The following ANKFN1 variants were observed in gnomAD, a reference collection of about 807,000 sequenced individuals.
ANKFN1 encodes the protein ankyrin repeat and fibronectin type-III domain-containing protein 1.
A neutral mutation model predicts 108.7 loss-of-function variants in ANKFN1; 74 were observed. The ratio of observed to expected loss-of-function variants is 0.68; its 90% CI spans 0.56 to 0.83. The LOEUF is 0.83. Ranked by LOEUF, ANKFN1 falls within the 40% of genes least tolerant of loss-of-function variation. The pLI, the probability that ANKFN1 is intolerant of heterozygous loss-of-function variation, is 0.00. For missense variants in ANKFN1, 1,505 were observed against 1,382.3 expected, an observed-to-expected ratio of 1.09 and a Z score of -1.41; for synonymous variants, 547 against 516.2, an observed-to-expected ratio of 1.06 and a Z score of -0.81.
intron 4 of ANKFN1, among the ~76,000 whole-genome samples, chr17:56,082,454 C>T (rs12936221): frequency 0.49 from 73,726 of 150,662 alleles, 20,116 homozygotes; most frequent in Non-Finnish European, 0.63. Flanking sequence ...AAAAAAACCA[C>T]GAGGCACTGA....
intron 6 of ANKFN1, among the ~76,000 whole-genome samples, chr17:56,364,142 A>G (rs1317309935): frequency 6.6e-6 from 1 of 152,206 alleles, no homozygotes; most frequent in African/African-American, 2.4e-5. Flanking sequence ...AGTTAGCTTG[A>G]TTTAATTATT....
intron 8 of ANKFN1, among the ~76,000 whole-genome samples, chr17:56,377,341 C>T (rs2046972092): frequency 1.3e-5 from 2 of 152,214 alleles, no homozygotes; most frequent in African/African-American, 4.8e-5. Context: ...AAGTTTTCTT[C>T]ACACCGTGGG....
chr17:56,205,273 C>A (rs1914433926), intron 1 of ANKFN1, among the ~76,000 whole-genome samples: 1 of 152,126 alleles, frequency 6.6e-6, no homozygotes. Flanking sequence ...CTCTTCAGAT[C>A]AAAGACATTA....
intron 20 of ANKFN1, among the ~76,000 whole-genome samples, chr17:56,505,866 G>A (rs1367346211): frequency 2.6e-5 from 4 of 152,048 alleles, no homozygotes; most frequent in Non-Finnish European, 5.9e-5. Flanking sequence ...CTCACTATTC[G>A]TATGTTGGGA....
intron 1 of ANKFN1, among the ~76,000 whole-genome samples, chr17:56,155,500 T>C (rs1909016735): frequency 6.6e-6 from 1 of 152,164 alleles, no homozygotes; most frequent in Non-Finnish European, 1.5e-5. Flanking sequence ...GCCAATAACT[T>C]TCCTTTTTTC....
chr17:56,271,855 G>A (rs942304624), intron 3 of ANKFN1, among the ~76,000 whole-genome samples: 10 of 152,224 alleles, frequency 6.6e-5, no homozygotes, highest in South Asian at 2.1e-4. Flanking sequence ...TCAGCAAGCC[G>A]TTTACCCTCC....
At chr17:56,153,474 C>T (rs1908797421), upstream of ANKFN1, 3 of 1,613,714 alleles carry the variant, frequency 1.9e-6, no homozygotes, top group Non-Finnish European at 2.5e-6. Flanking sequence ...CCCCCCAGGT[C>T]CTCTTTCAAC....
chr17:56,161,083 G>A (rs1396616699), intron 1 of ANKFN1, among the ~76,000 whole-genome samples: 1 of 152,176 alleles, frequency 6.6e-6, no homozygotes, highest in Non-Finnish European at 1.5e-5. Context: ...GAACTATAAA[G>A]GTTGCTGGAG....
intron 3 of ANKFN1, among the ~76,000 whole-genome samples, chr17:56,228,895 T>G (rs1916494036): frequency 6.6e-6 from 1 of 152,090 alleles, no homozygotes; most frequent in African/African-American, 2.4e-5. Flanking sequence ...TAATTAGACA[T>G]TCTAGTACCT....
chr17:56,126,777 T>G (rs2143323842), intron 4 of ANKFN1, among the ~76,000 whole-genome samples: 1 of 152,332 alleles, frequency 6.6e-6, no homozygotes, highest in African/African-American at 2.4e-5. Flanking sequence ...AGTAAAATAG[T>G]GCAGAAACAG....
At chr17:56,163,055 GA>G (rs113199663) in intron 1 of ANKFN1, among the ~76,000 whole-genome samples, 3,622 of 145,548 alleles carry the variant, frequency 0.025, 136 homozygotes, top group African/African-American at 0.086. Context: ...AAGAAAAAAA[GA>G]AAAAAAAAAG....
chr17:56,262,642 C>T (rs754657135), intron 3 of ANKFN1, among the ~76,000 whole-genome samples: 5 of 152,252 alleles, frequency 3.3e-5, no homozygotes, highest in East Asian at 1.9e-4. Flanking sequence ...TAAATTCCTA[C>T]GAAGCAGACA....
At chr17:56,407,746 A>T (rs1308877408) in intron 8 of ANKFN1, among the ~76,000 whole-genome samples, 1 of 152,166 alleles carries the variant, frequency 6.6e-6, no homozygotes, top group Non-Finnish European at 1.5e-5. Flanking sequence ...TAACTGTAGG[A>T]CATTTTAGCT....
intron 4 of ANKFN1, among the ~76,000 whole-genome samples, chr17:56,055,905 A>T (rs2143092203): frequency 6.6e-6 from 1 of 151,984 alleles, no homozygotes; most frequent in African/African-American, 2.4e-5. Flanking sequence ...TAGACTTTTT[A>T]ATAATAGCCA....
chr17:56,236,659 C>T (rs959700812), intron 3 of ANKFN1, among the ~76,000 whole-genome samples: 2 of 152,190 alleles, frequency 1.3e-5, no homozygotes, highest in African/African-American at 2.4e-5. Context: ...GACTTCCTCT[C>T]CTCCTATTTG....
intron 18 of ANKFN1, among the ~76,000 whole-genome samples, chr17:56,488,936 G>T (rs2050941428): frequency 6.6e-6 from 1 of 152,194 alleles, no homozygotes. Flanking sequence ...TTTGTATCAG[G>T]TATGTGCCAT....
At chr17:56,158,251 C>T (rs1175542891) in intron 1 of ANKFN1, among the ~76,000 whole-genome samples, 3 of 152,130 alleles carry the variant, frequency 2.0e-5, no homozygotes, top group Non-Finnish European at 2.9e-5. Context: ...TTGCCTAATT[C>T]CTAGAAGTTG....
intron 5 of ANKFN1, among the ~76,000 whole-genome samples, chr17:56,351,901 T>C (rs2046257732): frequency 6.6e-6 from 1 of 152,124 alleles, no homozygotes; most frequent in African/African-American, 2.4e-5. Context: ...CCTTTCCAGA[T>C]AGAAGCATGC....
At chr17:56,241,013 A>G (rs1373574140) in intron 3 of ANKFN1, among the ~76,000 whole-genome samples, 3 of 152,064 alleles carry the variant, frequency 2.0e-5, no homozygotes, top group African/African-American at 7.2e-5. Flanking sequence ...AGACATTGAC[A>G]TTCTAACATA....
Sources: allele counts gnomAD v4.1 joint callset (sites outside exome capture counted in the v4.1 genomes callset), GRCh38; gene constraint gnomAD v4.1.1; transcripts MANE v1.5; gene names NCBI Gene and HGNC (gene_info 2026-07-23, HGNC 2026-07-21).